Variants in BEND6 observed in about 807,000 individuals in gnomAD.
The protein encoded by BEND6 is BEN domain containing 6.
BEND6 carries 24 observed loss-of-function variants against 31.8 expected under a neutral mutation model. The ratio of observed to expected loss-of-function variants is 0.75; its 90% CI spans 0.55 to 1.06. BEND6 has a LOEUF of 1.06. Among genes scored for constraint, BEND6 ranks in the 50% least tolerant of loss-of-function variants. The pLI is 0.00. For missense variants in BEND6, 294 were observed against 327.4 expected, an observed-to-expected ratio of 0.90 and a Z score of 0.79; for synonymous variants, 109 against 114.6, an observed-to-expected ratio of 0.95 and a Z score of 0.31.
At position 56,981,825 on chromosome 6, in the gene BEND6, G is replaced by A. The variant is rs1192994184; in HGVS notation, c.15G>A (p.Val5=). The change falls in exon 2 of 7, where the codon GTG becomes GTA. Residue 5 remains valine, a synonymous_variant. Coordinates refer to ENST00000370746, the MANE Select transcript of BEND6 (RefSeq NM_152731.3). Reference sequence around the variant, plus strand: ...TAATTGAGAAAATGCAGAAGATCGTGCAGACAGATGAAATTACCAATACAC... The same window carrying A: ...TAATTGAGAAAATGCAGAAGATCGTACAGACAGATGAAATTACCAATACAC... The part of the protein sequence containing the change: MQKI[V]QTDEITNTQA... The A allele has an allele frequency of 6.2e-7, 1 of 1,612,310 alleles. No individual in the cohort carries two copies. The highest frequency in any genetic ancestry group is 8.5e-7 in the Non-Finnish European group (1 of 1,179,244).
At chr6:57,018,361 A>T in intron 5 of BEND6, 60 bp from the exon 6 acceptor site, 2 of 1,526,176 alleles carry the variant, frequency 1.3e-6, no homozygotes, top group Middle Eastern at 1.7e-4. Context: ...ACCTCAGTTC[A>T]TACCCTAAGA....
intron 3 of BEND6, among the ~76,000 whole-genome samples, chr6:56,999,200 G>C (rs1419397602): frequency 2.6e-5 from 4 of 152,148 alleles, no homozygotes; most frequent in Admixed American, 1.3e-4. Context: ...CAGAGCACTT[G>C]CTCATGTGGA....
intron 3 of BEND6, among the ~76,000 whole-genome samples, chr6:57,011,715 C>CAAAAAAAAA (rs770049459): frequency 3.5e-4 from 12 of 33,988 alleles, no homozygotes; most frequent in South Asian, 1.1e-3. Flanking sequence ...GGCCCTGTCT[C>CAAAAAAAAA]AAAAAAAAAA....
chr6:56,974,624 C>G lies in BEND6; in HGVS notation c.-100-7087C>G, dbSNP rs113200838. Among the ~76,000 whole-genome samples, 879 of 152,268 alleles carry G rather than the reference C, an allele frequency of 5.8e-3. 11 individuals are homozygous for G. The highest frequency in any genetic ancestry group is 0.02 in the African/African-American group (841 of 41,544). ...ACAACTTCATTGCTTTAAAGTACTG[C>G]TAAGTGGACCACAAATGACAGTGAT... On this transcript the variant is annotated intron_variant, in intron 1 of 6. Coordinates refer to ENST00000370746, the MANE Select transcript of BEND6 (RefSeq NM_152731.3).
At chr6:57,001,773 A>G (rs911522889) in intron 3 of BEND6, among the ~76,000 whole-genome samples, 1 of 152,230 alleles carries the variant, frequency 6.6e-6, no homozygotes, top group African/African-American at 2.4e-5. Context: ...AATGAAACCT[A>G]CTACCACAAA....
chr6:57,005,169 C>T (rs778395505), intron 3 of BEND6, among the ~76,000 whole-genome samples: 22 of 151,690 alleles, frequency 1.5e-4, no homozygotes, highest in Non-Finnish European at 2.4e-4. Flanking sequence ...ATCACTGGCT[C>T]ATAATAGGTG....
intron 2 of BEND6, among the ~76,000 whole-genome samples, chr6:56,989,908 A>G (rs1457207974): frequency 1.3e-5 from 2 of 152,212 alleles, no homozygotes; most frequent in Non-Finnish European, 2.9e-5. Context: ...ATTTTAATTT[A>G]GCTGAATTTG....
intron 3 of BEND6, among the ~76,000 whole-genome samples, chr6:56,997,727 G>A (rs1162235519): frequency 6.6e-6 from 1 of 152,090 alleles, no homozygotes; most frequent in Non-Finnish European, 1.5e-5. Context: ...CTAATTTTTT[G>A]TATTTTTAGT....
chr6:57,020,674 G>A (rs1473118474), intron 6 of BEND6, among the ~76,000 whole-genome samples: 1 of 151,804 alleles, frequency 6.6e-6, no homozygotes, highest in Non-Finnish European at 1.5e-5. Flanking sequence ...TGCCCACCTC[G>A]GCCTCCCAAA....
chr6:57,026,031 T>G (rs1318873692), intron 6 of BEND6, 51 bp from the exon 7 acceptor site: 4 of 152,218 alleles, frequency 2.6e-5, no homozygotes, highest in African/African-American at 7.2e-5. Context: ...GTTAAAATAC[T>G]ACGAGAATGT....
intron 3 of BEND6, among the ~76,000 whole-genome samples, chr6:57,000,791 G>C (rs562005100): frequency 1.3e-5 from 2 of 149,336 alleles, no homozygotes; most frequent in African/African-American, 4.9e-5. Context: ...TTCTGTGCTA[G>C]TTTTGGGATT....
At chr6:57,000,986 G>T (rs914926409) in intron 3 of BEND6, among the ~76,000 whole-genome samples, 1 of 147,044 alleles carries the variant, frequency 6.8e-6, no homozygotes, top group Non-Finnish European at 1.5e-5. Context: ...GGGAGAAAAA[G>T]GAAAGAAAAA....
chr6:56,969,436 G>A (rs935158815), intron 1 of BEND6, among the ~76,000 whole-genome samples: 1 of 152,106 alleles, frequency 6.6e-6, no homozygotes, highest in African/African-American at 2.4e-5. Flanking sequence ...AATTATATTG[G>A]CACTAGTTTC....
At chr6:57,000,361 C>T (rs940912620) in intron 3 of BEND6, among the ~76,000 whole-genome samples, 2 of 151,938 alleles carry the variant, frequency 1.3e-5, no homozygotes, top group African/African-American at 4.8e-5. Context: ...GCAAGATGTG[C>T]TTTGTTAAAC....
Position 56,981,856 on chromosome 6 carries a change from T to A in BEND6, c.46T>A (p.Phe16Ile). 1 of 1,612,878 alleles carries A rather than the reference T, an allele frequency of 6.2e-7. No individual in the cohort carries two copies. Among genetic ancestry groups the A allele is most frequent in the Non-Finnish European group, 8.5e-7 (1 of 1,179,366 alleles). ...QTDEITNTQA[F>I]RKGKRKRTET... ...AGATGAAATTACCAATACACAAGCTTTTAGAAAAGGAAAGAGGAAAAGAAC... is the reference window on the plus strand; with the variant it reads ...AGATGAAATTACCAATACACAAGCTATTAGAAAAGGAAAGAGGAAAAGAAC... Residue 16 changes from phenylalanine (F) to isoleucine (I), a missense_variant, in exon 2 of 7, where the codon TTT becomes ATT. Physicochemically the swap from Phe to Ile is conservative, Grantham distance 21. Transcript: ENST00000370746.
intron 1 of BEND6, among the ~76,000 whole-genome samples, chr6:56,966,487 A>G (rs536326265): frequency 1.6e-4 from 24 of 152,326 alleles, no homozygotes; most frequent in African/African-American, 5.5e-4. Flanking sequence ...AAATGTTCAG[A>G]GGCCCTAGAA....
Position 57,017,236 on chromosome 6 carries a change from T to C in BEND6, c.549T>C (p.Arg183=). ...QFQIEKWQIA[R]CNKSKPQKFI... ...AGATTGAAAAATGGCAGATTGCCCG[T>C]TGTAACAAGAGCAAGCCTCAGAAGT... The change falls in exon 5 of 7, where the codon CGT becomes CGC. Residue 183 remains arginine (R), a synonymous_variant. Coordinates refer to ENST00000370746, the MANE Select transcript of BEND6 (RefSeq NM_152731.3). The C allele has an allele frequency of 6.4e-7, 1 of 1,563,122 alleles. No individual in the cohort carries two copies. The highest frequency in any genetic ancestry group is 1.4e-5 in the African/African-American group (1 of 71,566).
In BEND6 at chr6:56,992,449, A is replaced by T. The variant is rs777394418; in HGVS notation, c.192A>T (p.Glu64Asp). 9 of 1,614,166 alleles carry T rather than the reference A, an allele frequency of 5.6e-6. No individual in the cohort carries two copies. The highest frequency in any genetic ancestry group is 7.6e-6 in the Non-Finnish European group (9 of 1,179,992). Residue 64 changes from glutamate (E) to aspartate (D), a missense_variant, in exon 3 of 7, where the codon GAA becomes GAT. Physicochemically the swap from Glu to Asp is conservative, Grantham distance 45 (BLOSUM62 2). Coordinates refer to ENST00000370746, the MANE Select transcript of BEND6 (RefSeq NM_152731.3). ...GTGAGGATGAAGAGCCTTTAGCAGAATTGTCAAAGGAAGAATTGTGCGCCA... is the reference window on the plus strand; with the variant it reads ...GTGAGGATGAAGAGCCTTTAGCAGATTTGTCAAAGGAAGAATTGTGCGCCA... The part of the protein sequence containing the change: ...SSSEDEEPLA[E>D]LSKEELCAKI...
At chr6:57,013,475 T>A (rs56059696) in intron 3 of BEND6, among the ~76,000 whole-genome samples, 1,753 of 152,294 alleles carry the variant, frequency 0.012, 16 homozygotes, top group Non-Finnish European at 0.019. Flanking sequence ...AATGTAGGCA[T>A]GATTGATCGG....
Sources: gnomAD v4.1 joint callset for allele counts (sites outside exome capture counted in the v4.1 genomes callset) on GRCh38, gnomAD v4.1.1 for gene constraint, MANE v1.5 for transcripts, NCBI Gene and HGNC (gene_info 2026-07-23, HGNC 2026-07-21) for gene names.